The following ANKRD6 variants were observed in gnomAD, a reference collection of about 807,000 sequenced individuals.
ANKRD6 encodes the protein ankyrin repeat domain 6.
In ANKRD6, 56 loss-of-function variants were observed where a neutral mutation model predicts 82.3. That is an observed-to-expected ratio of 0.68 (90% CI 0.55 to 0.85). ANKRD6 has a LOEUF of 0.85. Ranked by LOEUF, ANKRD6 falls within the 40% of genes least tolerant of loss-of-function variation. The pLI is 0.00. For missense variants in ANKRD6, 852 were observed against 907.6 expected, an observed-to-expected ratio of 0.94 and a Z score of 0.79; for synonymous variants, 347 against 352.1, an observed-to-expected ratio of 0.99 and a Z score of 0.16.
chr6:89,506,730 G>T (rs960670586), intron 1 of ANKRD6, among the ~76,000 whole-genome samples: 2 of 152,180 alleles, frequency 1.3e-5, no homozygotes, highest in African/African-American at 2.4e-5. Context: ...CCCAGAGAAG[G>T]CCTCTGCTTC....
At position 89,623,979 on chromosome 6, in the gene ANKRD6, A is replaced by T; in HGVS notation, c.1140A>T (p.Ser380=). The T allele has an allele frequency of 1.2e-6, 2 of 1,613,476 alleles. No homozygotes were observed. Among genetic ancestry groups the T allele is most frequent in the African/African-American group, 2.7e-5 (2 of 74,990 alleles). The change falls in exon 12 of 16, where the codon TCA becomes TCT. Residue 380 remains serine, a synonymous_variant. Coordinates refer to ENST00000339746, the MANE Select transcript of ANKRD6 (RefSeq NM_001242809.2). ...HPKKRNRHRC[S]SPPPPHEFRA... Reference sequence around the variant, plus strand: ...AAAAGAGGAACAGGCATCGGTGTTCATCCCCACCCCCACCCCATGAGTTCA... The same window carrying T: ...AAAAGAGGAACAGGCATCGGTGTTCTTCCCCACCCCCACCCCATGAGTTCA...
At chr6:89,456,115 T>A (rs1022988207) in intron 1 of ANKRD6, among the ~76,000 whole-genome samples, 2 of 152,204 alleles carry the variant, frequency 1.3e-5, no homozygotes, top group African/African-American at 4.8e-5. Flanking sequence ...CCTCAAGTGA[T>A]CCACCCGCTT....
intron 2 of ANKRD6, among the ~76,000 whole-genome samples, chr6:89,575,473 A>T (rs1299734040): frequency 6.6e-6 from 1 of 152,102 alleles, no homozygotes; most frequent in Non-Finnish European, 1.5e-5. Context: ...GTGGTTTATA[A>T]GTTTAGATTG....
At chr6:89,516,235 C>T (rs145086538) in intron 1 of ANKRD6, among the ~76,000 whole-genome samples, 2 of 152,256 alleles carry the variant, frequency 1.3e-5, no homozygotes, top group African/African-American at 2.4e-5. Flanking sequence ...GGATGGGGAT[C>T]ATTCAACCCC....
chr6:89,531,247 C>G (rs762875715), intron 1 of ANKRD6, among the ~76,000 whole-genome samples: 1 of 152,154 alleles, frequency 6.6e-6, no homozygotes, highest in South Asian at 2.1e-4. Context: ...ACAGTTATGT[C>G]GCTGTTAGGA....
chr6:89,518,499 C>G (rs910463292), intron 1 of ANKRD6, among the ~76,000 whole-genome samples: 6 of 152,004 alleles, frequency 3.9e-5, no homozygotes, highest in Non-Finnish European at 7.4e-5. Flanking sequence ...AACAACAGAG[C>G]TTGACCTAAG....
chr6:89,570,061 A>ATGTGTG lies in ANKRD6; in HGVS notation c.120+2966_120+2967insGTGTGT, dbSNP rs1322156749. Among the ~76,000 whole-genome samples the ATGTGTG allele has an allele frequency of 3.6e-4, 26 of 72,896 alleles. 1 individual carries two copies. In the South Asian group the frequency reaches 0.016, roughly 46 times the overall value. 47.8% of individuals were successfully genotyped at this position (72,896 alleles called of 152,430 possible). On this transcript the variant is annotated intron_variant, in intron 2 of 15. Coordinates refer to ENST00000339746, the MANE Select transcript of ANKRD6 (RefSeq NM_001242809.2). Reference sequence around the variant, plus strand: ...TATACTCGTGTGTGTGTATGTGTGTATATGTGTGTGTGTGTGTGTGTGTGT... The same window carrying ATGTGTG: ...TATACTCGTGTGTGTGTATGTGTGTATGTGTGTATGTGTGTGTGTGTGTGTGTGTGT...
At chr6:89,445,108 G>C (rs1466271603) in intron 1 of ANKRD6, among the ~76,000 whole-genome samples, 1 of 152,038 alleles carries the variant, frequency 6.6e-6, no homozygotes, top group Non-Finnish European at 1.5e-5. Context: ...GAAGGCTTGT[G>C]GTAATTCTGT....
At chr6:89,488,865 G>T (rs914303760) in intron 1 of ANKRD6, among the ~76,000 whole-genome samples, 1 of 104,184 alleles carries the variant, frequency 9.6e-6, no homozygotes, top group Non-Finnish European at 2.1e-5. Flanking sequence ...AAAATATATC[G>T]ATCTATTCTA....
intron 2 of ANKRD6, among the ~76,000 whole-genome samples, chr6:89,578,058 C>T (rs1791543894): frequency 6.6e-6 from 1 of 152,150 alleles, no homozygotes. Flanking sequence ...GGTGAGCCCC[C>T]CAGAGTTCTC....
intron 2 of ANKRD6, among the ~76,000 whole-genome samples, chr6:89,587,633 T>G (rs1794041736): frequency 6.6e-6 from 1 of 152,238 alleles, no homozygotes; most frequent in South Asian, 2.1e-4. Context: ...ACTTCCATCC[T>G]TGTGTGATGG....
chr6:89,491,580 T>C (rs991412132), intron 1 of ANKRD6, among the ~76,000 whole-genome samples: 11 of 151,842 alleles, frequency 7.2e-5, no homozygotes, highest in African/African-American at 2.4e-4. Flanking sequence ...TAGGTGGGAA[T>C]TGAACAATGA....
At chr6:89,533,618 G>A (rs1783458899) in intron 1 of ANKRD6, among the ~76,000 whole-genome samples, 1 of 152,170 alleles carries the variant, frequency 6.6e-6, no homozygotes, top group South Asian at 2.1e-4. Context: ...CAGATACCCA[G>A]TTGAGAAGCA....
At chr6:89,511,937 A>C (rs771257135) in intron 1 of ANKRD6, among the ~76,000 whole-genome samples, 7 of 152,178 alleles carry the variant, frequency 4.6e-5, no homozygotes, top group African/African-American at 7.2e-5. Context: ...AATTTTTAAA[A>C]ACATTAAAAA....
intron 1 of ANKRD6, among the ~76,000 whole-genome samples, chr6:89,460,520 T>A (rs1049876653): frequency 1.3e-5 from 2 of 152,130 alleles, no homozygotes; most frequent in South Asian, 4.1e-4. Flanking sequence ...CACTGCAACC[T>A]CTGCCTCCCA....
chr6:89,515,948 A>C (rs1290784905), intron 1 of ANKRD6, among the ~76,000 whole-genome samples: 1 of 152,220 alleles, frequency 6.6e-6, no homozygotes, highest in Non-Finnish European at 1.5e-5. Context: ...GCCTGAACCA[A>C]GGACCATCTG....
intron 1 of ANKRD6, among the ~76,000 whole-genome samples, chr6:89,565,747 A>T (rs1402738711): frequency 6.6e-6 from 1 of 152,174 alleles, no homozygotes; most frequent in Non-Finnish European, 1.5e-5. Context: ...CAGAGTTAGG[A>T]TGTGTGGTAG....
chr6:89,536,715 A>G (rs911966868), intron 1 of ANKRD6, among the ~76,000 whole-genome samples: 1 of 152,180 alleles, frequency 6.6e-6, no homozygotes, highest in African/African-American at 2.4e-5. Context: ...TCTTCATATT[A>G]TCTAGGGAGA....
chr6:89,453,360 T>C (rs1381294526), intron 1 of ANKRD6, among the ~76,000 whole-genome samples: 1 of 152,254 alleles, frequency 6.6e-6, no homozygotes, highest in Non-Finnish European at 1.5e-5. Flanking sequence ...TACCCTGTAA[T>C]TTAAAACATT....
Sources: allele counts gnomAD v4.1 joint callset (sites outside exome capture counted in the v4.1 genomes callset), GRCh38; gene constraint gnomAD v4.1.1; transcripts MANE v1.5; gene names NCBI Gene and HGNC (gene_info 2026-07-23, HGNC 2026-07-21).